Variants in ZNF362 observed in about 807,000 individuals in gnomAD.
ZNF362 encodes the protein zinc finger protein 362.
In ZNF362, 11 loss-of-function variants were observed where a neutral mutation model predicts 42.9. That is an observed-to-expected ratio of 0.26 (90% CI 0.16 to 0.42). ZNF362 has a LOEUF of 0.42. ZNF362 is among the 20% of genes least tolerant of loss of function. The pLI, the probability that ZNF362 is intolerant of heterozygous loss-of-function variation, is 1.00. For missense variants in ZNF362, 362 were observed against 576.2 expected (o/e 0.63, Z 3.81); for synonymous variants, 255 against 257.3 (o/e 0.99, Z 0.09).
At chr1:33,218,350 A>C in the ZNF362 span, among the ~76,000 whole-genome samples, 4 of 152,172 alleles carry the variant, frequency 2.6e-5, no homozygotes. Flanking sequence ...CTGAGGCAGG[A>C]GGATGACTTG....
chr1:33,142,633 T>G, the ZNF362 span: 1 of 152,202 alleles, frequency 6.6e-6, no homozygotes. Context: ...GAAGCTTGGC[T>G]CACAATTGAG....
the ZNF362 span, among the ~76,000 whole-genome samples, chr1:33,155,264 G>C: frequency 6.6e-6 from 1 of 151,836 alleles, no homozygotes; most frequent in African/African-American, 2.4e-5. Context: ...TAGAGACGGG[G>C]TTTCACCATG....
At chr1:33,213,612 C>T in the ZNF362 span, among the ~76,000 whole-genome samples, 20 of 151,926 alleles carry the variant, frequency 1.3e-4, no homozygotes, top group African/African-American at 4.8e-4. Context: ...TTTGGGAGGC[C>T]GAGGCGGGTG....
chr1:33,208,625 C>A, the ZNF362 span, among the ~76,000 whole-genome samples: 1 of 152,116 alleles, frequency 6.6e-6, no homozygotes, highest in Non-Finnish European at 1.5e-5. Context: ...GTTTGTAATT[C>A]TCCTTGAAGA....
chr1:33,228,927 C>T, the ZNF362 span, among the ~76,000 whole-genome samples: 3 of 152,172 alleles, frequency 2.0e-5, no homozygotes, highest in African/African-American at 7.2e-5. Flanking sequence ...ACTGCTTGTT[C>T]GGTCCCTCCC....
chr1:33,208,939 G>A, the ZNF362 span, among the ~76,000 whole-genome samples: 1 of 152,096 alleles, frequency 6.6e-6, no homozygotes, highest in African/African-American at 2.4e-5. Context: ...GATTGCCCTG[G>A]CCAGAACTTC....
At position 33,294,630 on chromosome 1, in the gene ZNF362, G is replaced by A. The variant is rs186562645; in HGVS notation, c.909-307G>A. Among the ~76,000 whole-genome samples the A allele has an allele frequency of 7.2e-5, 11 of 152,292 alleles. No individual in the cohort carries two copies. Among genetic ancestry groups the A allele is most frequent in the Admixed American group, 7.2e-4 (11 of 15,304 alleles). ...TAGTGTGGGGTTTTCAAAGAGAGGG[G>A]CAGCCAAATCAGGCCCTCTCCGAGG... On this transcript the variant is annotated intron_variant, in intron 6 of 8. Transcript: ENST00000539719. The surrounding 1 kb of genome is among the most constrained non-coding windows in gnomAD (Gnocchi z 4.2).
At chr1:33,265,939 C>T (rs1032128421) in intron 1 of ZNF362, among the ~76,000 whole-genome samples, 17 of 152,218 alleles carry the variant, frequency 1.1e-4, no homozygotes, top group Admixed American at 3.9e-4. Context: ...TGTGTGCTTT[C>T]CTGCCTCGGG....
chr1:33,127,970 C>CTGTG, the ZNF362 span, among the ~76,000 whole-genome samples: 1 of 152,122 alleles, frequency 6.6e-6, no homozygotes, highest in Non-Finnish European at 1.5e-5. Context: ...CAGTTATTAG[C>CTGTG]TGTGTATCCT....
the ZNF362 span, among the ~76,000 whole-genome samples, chr1:33,237,480 C>T: frequency 6.6e-6 from 1 of 152,200 alleles, no homozygotes; most frequent in Admixed American, 6.5e-5. Flanking sequence ...CTGCAGGCTG[C>T]TCCAAGATGA....
rs950314260 is a variant in ZNF362, at chr1:33,281,059, A to ACT, written c.684-525_684-524dup. The stretch of plus-strand genomic sequence containing the variant: ...ACTCCAACCTGGGTGACAGGGTGAG[A>ACT]CTCTGTCTCAAACAACAACAACAAC... On this transcript the variant is annotated intron_variant, in intron 5 of 8. Coordinates refer to ENST00000539719, the MANE Select transcript of ZNF362 (RefSeq NM_152493.3). The surrounding 1 kb of genome is among the most constrained non-coding windows in gnomAD (Gnocchi z 4.8). 6.6e-5 allele frequency among the ~76,000 whole-genome samples: 8 copies of ACT among 120,448 alleles called. No homozygotes were observed. 79.0% of individuals were successfully genotyped at this position (120,448 alleles called of 152,430 possible). A position where few individuals can be genotyped will look rare whatever the true frequency, so the allele number is the denominator to read the frequency against.
the ZNF362 span, among the ~76,000 whole-genome samples, chr1:33,204,959 T>A: frequency 6.6e-6 from 1 of 152,204 alleles, no homozygotes; most frequent in African/African-American, 2.4e-5. Context: ...CTACAAGATA[T>A]GTGGAAGACC....
the ZNF362 span, among the ~76,000 whole-genome samples, chr1:33,175,048 T>A: frequency 6.6e-6 from 1 of 151,600 alleles, no homozygotes; most frequent in Non-Finnish European, 1.5e-5. Flanking sequence ...TATGTATATG[T>A]ATTTTTTTTA....
chr1:33,196,911 G>A, the ZNF362 span, among the ~76,000 whole-genome samples: 8 of 152,172 alleles, frequency 5.3e-5, no homozygotes, highest in African/African-American at 1.9e-4. Flanking sequence ...GTTTCTGGGT[G>A]TGCCTGTGAG....
At chr1:33,171,979 A>AGG in the ZNF362 span, among the ~76,000 whole-genome samples, 1 of 152,056 alleles carries the variant, frequency 6.6e-6, no homozygotes, top group East Asian at 1.9e-4. Context: ...ATGGGGTTTC[A>AGG]CCATGTTGGT....
the ZNF362 span, among the ~76,000 whole-genome samples, chr1:33,237,428 C>CCT: frequency 4.1e-4 from 63 of 152,242 alleles, no homozygotes; most frequent in African/African-American, 1.5e-3. Flanking sequence ...GTGTCAGCAT[C>CCT]TCTTCCCTAC....
the ZNF362 span, among the ~76,000 whole-genome samples, chr1:33,206,476 G>T: frequency 7.1e-4 from 108 of 152,290 alleles, 1 homozygote; most frequent in African/African-American, 2.5e-3. Context: ...ATATGAACCT[G>T]TAGTCTCAGT....
upstream of ZNF362, among the ~76,000 whole-genome samples, chr1:33,252,746 G>A (rs575192391): frequency 4.6e-5 from 7 of 152,250 alleles, no homozygotes; most frequent in South Asian, 1.5e-3. Context: ...GTGAGACATG[G>A]TTCCTTCCTT....
Position 33,276,182 on chromosome 1 carries a change from C to T in ZNF362, c.102+19C>T. Reference sequence around the variant, plus strand: ...CAGCCAGGTAAGACTGACGTCGCCCCTCCGGCTGCCCTACCCTCCTTGGCG... The same window carrying T: ...CAGCCAGGTAAGACTGACGTCGCCCTTCCGGCTGCCCTACCCTCCTTGGCG... On this transcript the variant is annotated intron_variant, in intron 3 of 8. Coordinates refer to ENST00000539719, the MANE Select transcript of ZNF362 (RefSeq NM_152493.3). 6.2e-7 allele frequency: 1 copy of T among 1,612,418 alleles called. No homozygotes were observed. The highest frequency in any genetic ancestry group is 8.5e-7 in the Non-Finnish European group (1 of 1,179,786).
Sources: allele counts gnomAD v4.1 joint callset (sites outside exome capture counted in the v4.1 genomes callset), GRCh38; gene constraint gnomAD v4.1.1; non-coding constraint Gnocchi (gnomAD v3.1); transcripts MANE v1.5; gene names NCBI Gene and HGNC (gene_info 2026-07-23, HGNC 2026-07-21).